CTNNA2: variants seen among roughly 807,000 people sequenced by gnomAD.
The protein encoded by CTNNA2 is catenin alpha-2.
Under a neutral mutation model 101.0 loss-of-function variants are expected in CTNNA2, and 42 were observed. That is an observed-to-expected ratio of 0.42 (90% CI 0.32 to 0.54). The LOEUF (loss-of-function observed/expected upper bound fraction) is 0.54. CTNNA2 is among the 20% of genes least tolerant of loss of function. The pLI is 0.14. For missense variants in CTNNA2, 871 were observed against 1,223.1 expected (o/e 0.71, Z 4.29); for synonymous variants, 450 against 456.4 (o/e 0.99, Z 0.18).
chr2:79,189,930 C>G (rs1572970645), intron 1 of CTNNA2, among the ~76,000 whole-genome samples: 1 of 152,092 alleles, frequency 6.6e-6, no homozygotes, highest in African/African-American at 2.4e-5. Context: ...GAGGACAAGA[C>G]TTAGAGTCAA....
At chr2:79,379,529 A>G (rs1017255994) in intron 4 of CTNNA2, among the ~76,000 whole-genome samples, 2 of 152,268 alleles carry the variant, frequency 1.3e-5, no homozygotes, top group South Asian at 4.1e-4. Flanking sequence ...CTCACTTTTT[A>G]AAATCTTCAG....
rs115210802 is a variant in CTNNA2 at position 80,349,313 on chromosome 2, C to G, written c.1057-43898C>G. 5.8e-3 allele frequency among the ~76,000 whole-genome samples: 882 copies of G among 152,254 alleles called. 4 individuals carry two copies. The highest frequency in any genetic ancestry group is 0.02 in the African/African-American group (827 of 41,560). On this transcript the variant is annotated intron_variant, in intron 7 of 18. Coordinates refer to ENST00000402739, the MANE Select transcript of CTNNA2 (RefSeq NM_001282597.3). ...CTTTGCTCCCAATGGCTTCATGTTT[C>G]TCCATAGCATCACACTGAGAGAATG...
At chr2:79,840,227 T>C (rs1485476686) in intron 3 of CTNNA2, among the ~76,000 whole-genome samples, 3 of 152,258 alleles carry the variant, frequency 2.0e-5, no homozygotes, top group African/African-American at 4.8e-5. Context: ...GGGCATTTTT[T>C]TCCTAGTTAA....
intron 7 of CTNNA2, among the ~76,000 whole-genome samples, chr2:79,926,218 C>T (rs541275752): frequency 2.2e-4 from 33 of 152,176 alleles, no homozygotes; most frequent in Admixed American, 8.5e-4. Flanking sequence ...TTCATTATTC[C>T]CCAGTGACTC....
chr2:79,752,501 T>G (rs1264617299), intron 3 of CTNNA2, among the ~76,000 whole-genome samples: 2 of 152,118 alleles, frequency 1.3e-5, no homozygotes, highest in Non-Finnish European at 2.9e-5. Flanking sequence ...AAAGAAAGAA[T>G]CCATCCTGAA....
chr2:80,581,982 G>A (rs1226642699), intron 14 of CTNNA2, among the ~76,000 whole-genome samples, 163 bp downstream of exon 14: 1 of 152,152 alleles, frequency 6.6e-6, no homozygotes, highest in Non-Finnish European at 1.5e-5. Flanking sequence ...ATTTTACACA[G>A]TGAAAATAAC....
intron 9 of CTNNA2, among the ~76,000 whole-genome samples, chr2:80,474,105 C>G (rs1685527193): frequency 6.6e-6 from 1 of 152,162 alleles, no homozygotes; most frequent in Non-Finnish European, 1.5e-5. Flanking sequence ...TTTACCAAAA[C>G]AGTTTTTGTT....
At chr2:79,750,027 G>A (rs1671909378) in intron 3 of CTNNA2, among the ~76,000 whole-genome samples, 1 of 152,180 alleles carries the variant, frequency 6.6e-6, no homozygotes, top group African/African-American at 2.4e-5. Context: ...CTTACAGTTG[G>A]TGGTAGTTGC....
At chr2:79,259,123 T>C (rs1457017544) in intron 2 of CTNNA2, among the ~76,000 whole-genome samples, 1 of 152,120 alleles carries the variant, frequency 6.6e-6, no homozygotes, top group Non-Finnish European at 1.5e-5. Context: ...CGAAATCAGC[T>C]ATATCAGGGA....
intron 8 of CTNNA2, among the ~76,000 whole-genome samples, chr2:80,413,401 G>C (rs146976237): frequency 6.6e-6 from 1 of 152,224 alleles, no homozygotes; most frequent in East Asian, 1.9e-4. Flanking sequence ...CGTGTTTCTC[G>C]TATAAGGAAA....
intron 9 of CTNNA2, among the ~76,000 whole-genome samples, chr2:80,505,411 A>G (rs567937896): frequency 6.6e-6 from 1 of 152,348 alleles, no homozygotes; most frequent in African/African-American, 2.4e-5. Flanking sequence ...TAATTTTAAA[A>G]TAATTAAAAC....
chr2:79,524,262 C>A (rs544640539), intron 1 of CTNNA2, among the ~76,000 whole-genome samples: 1 of 151,826 alleles, frequency 6.6e-6, no homozygotes, highest in Non-Finnish European at 1.5e-5. Flanking sequence ...ACATAAATAG[C>A]CTTCTTTATA....
At chr2:80,166,323 A>G (rs1383518610) in intron 7 of CTNNA2, among the ~76,000 whole-genome samples, 5 of 152,262 alleles carry the variant, frequency 3.3e-5, no homozygotes, top group Admixed American at 6.5e-5. Flanking sequence ...CATCTCCAAG[A>G]CCTTCAGGGA....
chr2:80,628,908 T>C (rs1281381969), intron 18 of CTNNA2, among the ~76,000 whole-genome samples: 3 of 152,028 alleles, frequency 2.0e-5, no homozygotes, highest in Non-Finnish European at 4.4e-5. Flanking sequence ...CTCCATTGAG[T>C]GGAACAAGAA....
At chr2:79,498,296 G>A (rs1312853129) in intron 4 of CTNNA2, 1 of 152,142 alleles carries the variant, frequency 6.6e-6, no homozygotes, top group Non-Finnish European at 1.5e-5. Flanking sequence ...ATGGTGTGAC[G>A]TTTGTAGTCC....
chr2:80,210,956 C>G (rs554540982), intron 7 of CTNNA2, among the ~76,000 whole-genome samples: 6 of 152,310 alleles, frequency 3.9e-5, no homozygotes, highest in African/African-American at 1.4e-4. Context: ...TTGCATTTCT[C>G]TGATGGCCAG....
chr2:79,254,563 A>G (rs1214951483), intron 2 of CTNNA2, among the ~76,000 whole-genome samples: 1 of 152,194 alleles, frequency 6.6e-6, no homozygotes, highest in Admixed American at 6.5e-5. Flanking sequence ...AAGCAGATGC[A>G]GCCTTGCTTC....
At chr2:80,540,924 G>A (rs1218751560) in intron 9 of CTNNA2, among the ~76,000 whole-genome samples, 1 of 152,148 alleles carries the variant, frequency 6.6e-6, no homozygotes, top group African/African-American at 2.4e-5. Context: ...TTCAACTCCT[G>A]GCTTATTAGG....
In CTNNA2 at chr2:79,874,021, A is replaced by G. The variant is rs1008746951; in HGVS notation, c.586-55A>G. 50 of 1,596,480 alleles carry G rather than the reference A, an allele frequency of 3.1e-5. No homozygotes were observed. In the Admixed American group the frequency reaches 4.7e-4, roughly 15 times the overall value. On this transcript the variant is annotated intron_variant, in intron 5 of 18. Coordinates refer to ENST00000402739, the MANE Select transcript of CTNNA2 (RefSeq NM_001282597.3). Reference sequence around the variant, plus strand: ...GTCTGTGACTCCAAACTGTGTTGCAAATATTTCTATGCAAATTTCATGTGT... The same window carrying G: ...GTCTGTGACTCCAAACTGTGTTGCAGATATTTCTATGCAAATTTCATGTGT...
Sources: gnomAD v4.1 joint callset for allele counts (sites outside exome capture counted in the v4.1 genomes callset) on GRCh38, gnomAD v4.1.1 for gene constraint, MANE v1.5 for transcripts, NCBI Gene and HGNC (gene_info 2026-07-23, HGNC 2026-07-21) for gene names.